Variants in OR5H14 observed in about 807,000 individuals in gnomAD.
The protein encoded by OR5H14 is olfactory receptor 5H14.
For synonymous variants in OR5H14, 155 were observed against 130.6 expected, an observed-to-expected ratio of 1.19 and a Z score of -1.28; for missense variants, 392 against 363.9, an observed-to-expected ratio of 1.08 and a Z score of -0.63.
rs1708512499 is a variant in OR5H14, at chr3:98,151,770, A to T, written c.*1452A>T. 6.6e-6 allele frequency: 1 copy of T among 152,158 alleles called. No homozygotes were observed. Among genetic ancestry groups the T allele is most frequent in the Non-Finnish European group, 1.5e-5 (1 of 68,022 alleles). 9.4% of individuals were successfully genotyped at this position (152,158 alleles called of 1,614,324 possible). A position where few individuals can be genotyped will look rare whatever the true frequency, so the allele number is the denominator to read the frequency against. ...GTGGAGCAGTAGCGTTATTTGGATT[A>T]TTCCAGTAGAAAGTTCCTACTTAGA... On this transcript the variant is annotated 3_prime_UTR_variant, in exon 2 of 2. Transcript: ENST00000641380.
Position 98,151,556 on chromosome 3 carries a change from T to A in OR5H14, c.*1238T>A, listed in dbSNP as rs1402158869. ...CTAGCACTCATTCATTCCCCCATTTTGATGTCAGATTGTTTTTTCAACTCT... is the reference window on the plus strand; with the variant it reads ...CTAGCACTCATTCATTCCCCCATTTAGATGTCAGATTGTTTTTTCAACTCT... On this transcript the variant is annotated 3_prime_UTR_variant, in exon 2 of 2. Transcript: ENST00000641380. 6.6e-6 allele frequency: 1 copy of A among 152,174 alleles called. No homozygotes were observed. The highest frequency in any genetic ancestry group is 2.4e-5 in the African/African-American group (1 of 41,460). 9.4% of individuals were successfully genotyped at this position (152,174 alleles called of 1,614,324 possible).
At position 98,149,272 on chromosome 3, in the gene OR5H14, C is replaced by T. The variant is rs534275274; in HGVS notation, c.-18-96C>T. The T allele has an allele frequency of 1.9e-5, 24 of 1,279,310 alleles. No individual in the cohort carries two copies. The East Asian group carries it at 5.7e-4, about 30-fold the overall frequency. The allele number at this position is 1,279,310 out of a possible 1,614,324, so 79.2% of individuals were successfully genotyped here. A position where few individuals can be genotyped will look rare whatever the true frequency, so the allele number is the denominator to read the frequency against. On this transcript the variant is annotated intron_variant, in intron 1 of 1. Coordinates refer to ENST00000641380, the MANE Select transcript of OR5H14 (RefSeq NM_001005514.2). ...TAATAATGATCAAAAAATTGAGTCT[C>T]TGATAATTGCACACTTTATATCAAC...
chr3:98,151,454 T>C lies in OR5H14; in HGVS notation c.*1136T>C, dbSNP rs934844818. The C allele has an allele frequency of 2.0e-5, 3 of 152,190 alleles. No individual in the cohort carries two copies. The highest frequency in any genetic ancestry group is 1.3e-4 in the Admixed American group (2 of 15,268). 9.4% of individuals were successfully genotyped at this position (152,190 alleles called of 1,614,324 possible). A position where few individuals can be genotyped will look rare whatever the true frequency, so the allele number is the denominator to read the frequency against. Reference sequence around the variant, plus strand: ...CGACACTGAAATTCCTTTCACTTTGTCACTGATACCGAGACCCTTATCCTA... The same window carrying C: ...CGACACTGAAATTCCTTTCACTTTGCCACTGATACCGAGACCCTTATCCTA... On this transcript the variant is annotated 3_prime_UTR_variant, in exon 2 of 2. Transcript: ENST00000641380.
rs1708527358 is a variant in OR5H14, at chr3:98,152,913, A to G, written c.*2595A>G. The stretch of plus-strand genomic sequence containing the variant: ...AGCCACCTCAGCCCAATGTACTTCA[A>G]TTTAATTATTTTAACTATTTTCTCC... On this transcript the variant is annotated 3_prime_UTR_variant, in exon 2 of 2. Transcript: ENST00000641380. The G allele has an allele frequency of 6.6e-6, 1 of 152,064 alleles. No homozygotes were observed. The highest frequency in any genetic ancestry group is 6.6e-5 in the Admixed American group (1 of 15,254). 9.4% of individuals were successfully genotyped at this position (152,064 alleles called of 1,614,324 possible).
At chr3:98,148,174 AGAAGAATGGGAAAAT>A (rs1708446964) in intron 1 of OR5H14, 1 of 151,804 alleles carries the variant, frequency 6.6e-6, no homozygotes, top group African/African-American at 2.4e-5. Context: ...TCTACAAGTA[AGAAGAATGGGAAAAT>A]GAGTTTCTAG....
chr3:98,150,015 C>T lies in OR5H14; in HGVS notation c.630C>T (p.Thr210=). The change falls in exon 2 of 2, where the codon ACC becomes ACT. Residue 210 remains threonine, a synonymous_variant. Transcript: ENST00000641380. ...FIFAGSIQVF[T]IGTVLISYIF... ...TTGCAGGTTCAATTCAAGTTTTTAC[C>T]ATAGGGACTGTTCTTATATCTTACA... The T allele has an allele frequency of 2.5e-6, 4 of 1,612,928 alleles. No homozygotes were observed. Among genetic ancestry groups the T allele is most frequent in the Non-Finnish European group, 3.4e-6 (4 of 1,179,500 alleles).
chr3:98,155,702 G>A lies in OR5H14; in HGVS notation c.*5384G>A, dbSNP rs1559809770. 1 of 152,204 alleles carries A rather than the reference G, an allele frequency of 6.6e-6. No homozygotes were observed. Among genetic ancestry groups the A allele is most frequent in the Non-Finnish European group, 1.5e-5 (1 of 68,044 alleles). The allele number at this position is 152,204 out of a possible 1,614,324, so 9.4% of individuals were successfully genotyped here. On this transcript the variant is annotated 3_prime_UTR_variant, in exon 2 of 2. Transcript: ENST00000641380. The stretch of plus-strand genomic sequence containing the variant: ...AGTTTACTTGGGGTTGCCTTCTGAA[G>A]GGAATCTAGATCTTTGGCCTTATTA...
rs765634578 is a variant in OR5H14 at position 98,150,127 on chromosome 3, G to T, written c.742G>T (p.Val248Leu). ...CACCTGTGGAGCTCATCTCTTATCTGTATCTTTATACTATGGGCCCCTCGC... is the reference window on the plus strand; with the variant it reads ...CACCTGTGGAGCTCATCTCTTATCTTTATCTTTATACTATGGGCCCCTCGC... Reference protein sequence around the residue: ...FSTCGAHLLSVSLYYGPLAFM... With the variant: ...FSTCGAHLLSLSLYYGPLAFM... The change falls in exon 2 of 2, where the codon GTA becomes TTA. Residue 248 changes from valine to leucine, a missense_variant. Coordinates refer to ENST00000641380, the MANE Select transcript of OR5H14 (RefSeq NM_001005514.2). 7 of 1,610,188 alleles carry T rather than the reference G, an allele frequency of 4.3e-6. No homozygotes were observed. Among genetic ancestry groups the T allele is most frequent in the South Asian group, 1.1e-5 (1 of 90,606 alleles).
In OR5H14 at chr3:98,151,165, C is replaced by G. The variant is rs1045938803; in HGVS notation, c.*847C>G. On this transcript the variant is annotated 3_prime_UTR_variant, in exon 2 of 2. Transcript: ENST00000641380. Reference sequence around the variant, plus strand: ...CTTCCCAGAAAAAAAGATGAAACTACTAAGATTTTAAAAACCAGTGATGTT... The same window carrying G: ...CTTCCCAGAAAAAAAGATGAAACTAGTAAGATTTTAAAAACCAGTGATGTT... 6.6e-6 allele frequency: 1 copy of G among 151,994 alleles called. No individual in the cohort carries two copies. Among genetic ancestry groups the G allele is most frequent in the African/African-American group, 2.4e-5 (1 of 41,394 alleles). 9.4% of individuals were successfully genotyped at this position (151,994 alleles called of 1,614,324 possible). A position where few individuals can be genotyped will look rare whatever the true frequency, so the allele number is the denominator to read the frequency against.
Position 98,150,158 on chromosome 3 carries a change from T to C in OR5H14, c.773T>C (p.Met258Thr), listed in dbSNP as rs746824528. 3 of 1,612,576 alleles carry C rather than the reference T, an allele frequency of 1.9e-6. No homozygotes were observed. Among genetic ancestry groups the C allele is most frequent in the Non-Finnish European group, 1.7e-6 (2 of 1,179,560 alleles). ...TTATACTATGGGCCCCTCGCCTTCA[T>C]GTATATGGGCTCTGCATCCCCACAG... ...VSLYYGPLAF[M>T]YMGSASPQAD... Residue 258 changes from methionine (M) to threonine (T), a missense_variant, in exon 2 of 2, where the codon ATG becomes ACG. By Grantham distance (81) the Met-to-Thr change is moderately conservative. Transcript: ENST00000641380.
chr3:98,150,030 T>A lies in OR5H14; in HGVS notation c.645T>A (p.Leu215=). 6.2e-7 allele frequency: 1 copy of A among 1,612,966 alleles called. No homozygotes were observed. The highest frequency in any genetic ancestry group is 8.5e-7 in the Non-Finnish European group (1 of 1,179,540). ...AAGTTTTTACCATAGGGACTGTTCT[T>A]ATATCTTACATATTTGTCCTCTATA... The part of the protein sequence containing the change: ...SIQVFTIGTV[L]ISYIFVLYTI... The change falls in exon 2 of 2, where the codon CTT becomes CTA. Residue 215 remains leucine (L), a synonymous_variant. Coordinates refer to ENST00000641380, the MANE Select transcript of OR5H14 (RefSeq NM_001005514.2).
rs1708531525 is a variant in OR5H14, at chr3:98,153,137, GC to G, written c.*2820del. 1 of 152,066 alleles carries G rather than the reference GC, an allele frequency of 6.6e-6. No homozygotes were observed. Among genetic ancestry groups the G allele is most frequent in the South Asian group, 2.1e-4 (1 of 4,808 alleles). The allele number at this position is 152,066 out of a possible 1,614,324, so 9.4% of individuals were successfully genotyped here. A position where few individuals can be genotyped will look rare whatever the true frequency, so the allele number is the denominator to read the frequency against. The stretch of plus-strand genomic sequence containing the variant: ...TAGAGAAAATCTGGCAACCGTCATG[GC>G]TATGAACTTGCATTTCAGACTCTTG... On this transcript the variant is annotated 3_prime_UTR_variant, in exon 2 of 2. Transcript: ENST00000641380.
rs371516937 is a variant in OR5H14 at position 98,150,271 on chromosome 3, C to G, written c.886C>G (p.Gln296Glu). The G allele has an allele frequency of 6.3e-7, 1 of 1,596,340 alleles. No individual in the cohort carries two copies. The highest frequency in any genetic ancestry group is 1.8e-5 in the Admixed American group (1 of 56,354). ...NPMIYSLRNK[Q>E]VIASFTKMFK... Reference sequence around the variant, plus strand: ...CATGATCTACAGCCTGAGAAACAAGCAAGTAATAGCTTCATTCACAAAAAT... The same window carrying G: ...CATGATCTACAGCCTGAGAAACAAGGAAGTAATAGCTTCATTCACAAAAAT... The change falls in exon 2 of 2, where the codon CAA (glutamine) becomes GAA (glutamate). Residue 296 changes from glutamine (Q) to glutamate (E), a missense_variant. Transcript: ENST00000641380.
rs72927989 is a variant in OR5H14 at position 98,149,218 on chromosome 3, C to A, written c.-18-150C>A. 8.2e-5 allele frequency: 70 copies of A among 855,182 alleles called. No homozygotes were observed. The East Asian group carries it at 1.9e-3, about 23-fold the overall frequency. 53.0% of individuals were successfully genotyped at this position (855,182 alleles called of 1,614,324 possible). A position where few individuals can be genotyped will look rare whatever the true frequency, so the allele number is the denominator to read the frequency against. ...CTAAAATATGACATTTTTTTCATTT[C>A]TTTAACCCCTTATAGGATTTCTTAT... On this transcript the variant is annotated intron_variant, in intron 1 of 1. Transcript: ENST00000641380.
chr3:98,149,697 T>G lies in OR5H14; in HGVS notation c.312T>G (p.Phe104Leu). The G allele has an allele frequency of 6.2e-7, 1 of 1,613,324 alleles. No homozygotes were observed. The highest frequency in any genetic ancestry group is 8.5e-7 in the Non-Finnish European group (1 of 1,179,648). ...AATGCAAGATACAGTTGTTTTCGTT[T>G]GCAATCAGTGTAACCACGGAATGTT... Reference protein sequence around the residue: ...LSECKIQLFSFAISVTTECFL... With the variant: ...LSECKIQLFSLAISVTTECFL... The change falls in exon 2 of 2, where the codon TTT (phenylalanine) becomes TTG (leucine). Residue 104 changes from phenylalanine to leucine, a missense_variant. Transcript: ENST00000641380.
rs975294322 is a variant in OR5H14 at position 98,154,705 on chromosome 3, T to C, written c.*4387T>C. On this transcript the variant is annotated 3_prime_UTR_variant, in exon 2 of 2. Coordinates refer to ENST00000641380, the MANE Select transcript of OR5H14 (RefSeq NM_001005514.2). ...AAAATGATGACAGAAAAATCTCACA[T>C]AGGAATATTATGACAGTGAATCTGA... 4 of 152,222 alleles carry C rather than the reference T, an allele frequency of 2.6e-5. No homozygotes were observed. Among genetic ancestry groups the C allele is most frequent in the Admixed American group, 2.6e-4 (4 of 15,268 alleles). The allele number at this position is 152,222 out of a possible 1,614,324, so 9.4% of individuals were successfully genotyped here. A position where few individuals can be genotyped will look rare whatever the true frequency, so the allele number is the denominator to read the frequency against.
In OR5H14 at chr3:98,150,011, T is replaced by A; in HGVS notation, c.626T>A (p.Phe209Tyr). 2 of 1,613,152 alleles carry A rather than the reference T, an allele frequency of 1.2e-6. No individual in the cohort carries two copies. Among genetic ancestry groups the A allele is most frequent in the Non-Finnish European group, 1.7e-6 (2 of 1,179,576 alleles). ...ATTTTTGCAGGTTCAATTCAAGTTTTTACCATAGGGACTGTTCTTATATCT... is the reference window on the plus strand; with the variant it reads ...ATTTTTGCAGGTTCAATTCAAGTTTATACCATAGGGACTGTTCTTATATCT... ...VFIFAGSIQV[F>Y]TIGTVLISYI... The change falls in exon 2 of 2, where the codon TTT (phenylalanine) becomes TAT (tyrosine). Residue 209 changes from phenylalanine (F) to tyrosine (Y), a missense_variant. Transcript: ENST00000641380.
In OR5H14 at chr3:98,150,082, G is replaced by T. The variant is rs752967855; in HGVS notation, c.697G>T (p.Gly233Cys). 2.5e-6 allele frequency: 4 copies of T among 1,610,704 alleles called. No individual in the cohort carries two copies. Among genetic ancestry groups the T allele is most frequent in the South Asian group, 2.2e-5 (2 of 90,720 alleles). Residue 233 changes from glycine to cysteine, a missense_variant, in exon 2 of 2, where the codon GGT (glycine) becomes TGT (cysteine). Coordinates refer to ENST00000641380, the MANE Select transcript of OR5H14 (RefSeq NM_001005514.2). ...YTILKKKSVK[G>C]MRKAFSTCGA... ...AATCTTGAAAAAGAAGTCTGTCAAA[G>T]GTATGAGAAAAGCCTTCTCCACCTG... is the stretch of plus-strand genomic sequence containing the variant.
At chr3:98,149,270 C>T (rs1708463353) in intron 1 of OR5H14, 98 bp from the exon 2 acceptor site, 4 of 1,245,794 alleles carry the variant, frequency 3.2e-6, no homozygotes, top group Non-Finnish European at 3.3e-6. Flanking sequence ...AAAATTGAGT[C>T]TCTGATAATT....
Sources: allele counts gnomAD v4.1 joint callset, GRCh38; gene constraint gnomAD v4.1.1; transcripts MANE v1.5; gene names NCBI Gene and HGNC (gene_info 2026-07-23, HGNC 2026-07-21).